Variants in ANKRD11 observed in about 807,000 individuals in gnomAD.
ANKRD11 encodes ankyrin repeat domain 11.
A neutral mutation model predicts 195.7 loss-of-function variants in ANKRD11; 17 were observed. The observed-to-expected ratio is 0.09, with a 90% CI of 0.06 to 0.13. The LOEUF (loss-of-function observed/expected upper bound fraction) is 0.13. Among genes scored for constraint, ANKRD11 ranks in the 10% least tolerant of loss-of-function variants. The probability of loss-of-function intolerance (pLI) is 1.00; values close to 1 mark genes in which losing one functional copy is unlikely to be tolerated. For synonymous variants in ANKRD11, 1,953 were observed against 1,528.1 expected (o/e 1.28, Z -6.49); for missense variants, 3,735 against 3,566.1 (o/e 1.05, Z -1.21).
intron 2 of ANKRD11, among the ~76,000 whole-genome samples, chr16:89,343,089 C>G (rs749059851): frequency 3.9e-5 from 6 of 152,112 alleles, no homozygotes; most frequent in Non-Finnish European, 7.4e-5. Context: ...GGTGCGATCT[C>G]GGCTCACTGC....
intron 2 of ANKRD11, among the ~76,000 whole-genome samples, chr16:89,398,131 A>G (rs554171994): frequency 1.1e-3 from 173 of 151,050 alleles, no homozygotes; most frequent in African/African-American, 4.0e-3. Context: ...CAAGAGGGAC[A>G]CTGTGAAACA....
intron 1 of ANKRD11, among the ~76,000 whole-genome samples, chr16:89,466,989 G>A (rs1048378237): frequency 2.6e-5 from 4 of 152,224 alleles, no homozygotes; most frequent in Admixed American, 2.6e-4. Context: ...AAACTCTGGT[G>A]TGATCTGAAA....
chr16:89,466,835 G>A (rs1342761540), intron 1 of ANKRD11, among the ~76,000 whole-genome samples: 10 of 152,180 alleles, frequency 6.6e-5, no homozygotes, highest in Admixed American at 3.3e-4. Flanking sequence ...CCCGCAACTC[G>A]GGCATGTTCG....
At chr16:89,385,062 T>C (rs759868681) in intron 2 of ANKRD11, among the ~76,000 whole-genome samples, 5 of 151,882 alleles carry the variant, frequency 3.3e-5, no homozygotes, top group Admixed American at 1.3e-4. Context: ...ATTTTTGTAT[T>C]TTTAGTAGAG....
chr16:89,291,543 G>C lies in ANKRD11; in HGVS notation c.227-360C>G. ...TAGCACCGGTGACCTGGCTCACACA[G>C]GACAGGTCTCTGTTCAATACACGTG... On this transcript the variant is annotated intron_variant, in intron 4 of 12. Transcript: ENST00000301030. The surrounding 1 kb of genome is among the most constrained non-coding windows in gnomAD (Gnocchi z 5.3). 1.4e-6 allele frequency: 1 copy of C among 700,766 alleles called. No homozygotes were observed. The highest frequency in any genetic ancestry group is 2.3e-6 in the Non-Finnish European group (1 of 441,228). The allele number at this position is 700,766 out of a possible 1,614,324, so 43.4% of individuals were successfully genotyped here. A position where few individuals can be genotyped will look rare whatever the true frequency, so the allele number is the denominator to read the frequency against.
At chr16:89,319,688 G>A (rs2037185825) in intron 2 of ANKRD11, among the ~76,000 whole-genome samples, 2 of 152,254 alleles carry the variant, frequency 1.3e-5, no homozygotes, top group African/African-American at 2.4e-5. Context: ...ATGTCCTGCT[G>A]AAGCATCTGC....
At chr16:89,288,753 C>CT in intron 6 of ANKRD11, 83 bp from the exon 7 acceptor site, 1 of 1,602,400 alleles carries the variant, frequency 6.2e-7, no homozygotes, top group Non-Finnish European at 8.5e-7. Flanking sequence ...TGAGGATGTG[C>CT]TACAGTGCGG....
At chr16:89,484,042 A>C (rs184036739) in intron 1 of ANKRD11, among the ~76,000 whole-genome samples, 163 of 152,294 alleles carry the variant, frequency 1.1e-3, no homozygotes, top group Middle Eastern at 3.4e-3. Context: ...GAATACTAAC[A>C]CTACAAGCTC....
At position 89,275,164 on chromosome 16, in the gene ANKRD11, G is replaced by T; in HGVS notation, c.7498C>A (p.Pro2500Thr). The change falls in exon 10 of 13, where the codon CCC becomes ACC. Residue 2500 changes from proline (P) to threonine (T), a missense_variant. Coordinates refer to ENST00000301030, the MANE Select transcript of ANKRD11 (RefSeq NM_013275.6). ...VIAPPPSLAE[P>T]LKELFRQQEA... ...TGCTGCCTGAACAGCTCCTTCAGGG[G>T]CTCCGCCAGGGAGGGAGGGGGTGCG... 1.2e-6 allele frequency: 2 copies of T among 1,610,222 alleles called. No homozygotes were observed. Among genetic ancestry groups the T allele is most frequent in the Non-Finnish European group, 1.7e-6 (2 of 1,178,680 alleles).
intron 1 of ANKRD11, among the ~76,000 whole-genome samples, chr16:89,462,805 C>A (rs1170775825): frequency 2.7e-5 from 4 of 150,462 alleles, no homozygotes; most frequent in African/African-American, 9.8e-5. Context: ...ACCACCCCGT[C>A]TGAGAAGTGA....
At chr16:89,405,414 C>T (rs2041866153) in intron 2 of ANKRD11, among the ~76,000 whole-genome samples, 2 of 151,874 alleles carry the variant, frequency 1.3e-5, no homozygotes, top group African/African-American at 4.8e-5. Flanking sequence ...GCCTCGACCT[C>T]CTGGGCTCAG....
intron 1 of ANKRD11, among the ~76,000 whole-genome samples, chr16:89,480,884 G>A (rs550153879): frequency 6.6e-6 from 1 of 152,258 alleles, no homozygotes; most frequent in East Asian, 1.9e-4. Flanking sequence ...TCCCCAGATA[G>A]CCATTTCCTT....
intron 3 of ANKRD11, among the ~76,000 whole-genome samples, 181 bp from the exon 4 acceptor site, chr16:89,305,525 CGGGGTCGGGCTGTG>C (rs2036137935): frequency 6.6e-6 from 1 of 152,100 alleles, no homozygotes; most frequent in African/African-American, 2.4e-5. Flanking sequence ...CCCAGAAGCC[CGGGGTCGGGCTGTG>C]GCTCAGCCCT....
intron 3 of ANKRD11, among the ~76,000 whole-genome samples, chr16:89,314,262 C>G (rs1459772775): frequency 6.6e-6 from 1 of 151,048 alleles, no homozygotes; most frequent in African/African-American, 2.4e-5. Flanking sequence ...TCAAAACAAA[C>G]AAACAAACAA....
chr16:89,368,826 G>A (rs1313372110), intron 2 of ANKRD11, among the ~76,000 whole-genome samples: 1 of 152,150 alleles, frequency 6.6e-6, no homozygotes, highest in Non-Finnish European at 1.5e-5. Context: ...GCTTGAGCCA[G>A]GAGGTTGACG....
intron 2 of ANKRD11, among the ~76,000 whole-genome samples, chr16:89,318,144 G>A (rs1275698632): frequency 2.6e-5 from 4 of 152,144 alleles, no homozygotes; most frequent in East Asian, 3.8e-4. Flanking sequence ...TGCGACACAC[G>A]GTGCGAGCGC....
chr16:89,280,648 C>G lies in ANKRD11; in HGVS notation c.5894G>C (p.Gly1965Ala), dbSNP rs780892836. Residue 1965 changes from glycine (G) to alanine (A), a missense_variant, in exon 9 of 13, where the codon GGC becomes GCC. Coordinates refer to ENST00000301030, the MANE Select transcript of ANKRD11 (RefSeq NM_013275.6). Reference sequence around the variant, plus strand: ...CCAGCTCACAGGGTTTTCAGAGGTGCCCCCGATCAGGCTAGAGGCAAGCGC... The same window carrying G: ...CCAGCTCACAGGGTTTTCAGAGGTGGCCCCGATCAGGCTAGAGGCAAGCGC... ...EQALASSLIG[G>A]TSENPVSWPV... 3.1e-6 allele frequency: 5 copies of G among 1,613,486 alleles called. No individual in the cohort carries two copies. Among genetic ancestry groups the G allele is most frequent in the Non-Finnish European group, 4.2e-6 (5 of 1,179,966 alleles).
chr16:89,423,199 T>C (rs2042583285), intron 1 of ANKRD11, among the ~76,000 whole-genome samples: 1 of 152,236 alleles, frequency 6.6e-6, no homozygotes, highest in Admixed American at 6.5e-5. Context: ...ACACTGGCCT[T>C]GGTCTCAAAA....
At chr16:89,314,279 C>CA (rs201111138) in intron 3 of ANKRD11, among the ~76,000 whole-genome samples, 1 of 150,790 alleles carries the variant, frequency 6.6e-6, no homozygotes, top group Admixed American at 6.6e-5. Flanking sequence ...ACAACAACAA[C>CA]AAAAAACCAC....
Sources: allele counts gnomAD v4.1 joint callset (sites outside exome capture counted in the v4.1 genomes callset), GRCh38; gene constraint gnomAD v4.1.1; non-coding constraint Gnocchi (gnomAD v3.1); transcripts MANE v1.5; gene names NCBI Gene and HGNC (gene_info 2026-07-23, HGNC 2026-07-21).